The following TENM3 variants were observed in gnomAD, a reference collection of about 807,000 sequenced individuals.
TENM3 encodes teneurin transmembrane protein 3, also known as teneurin-3.
Under a neutral mutation model 255.1 loss-of-function variants are expected in TENM3, and 63 were observed. The observed-to-expected ratio is 0.25, with a 90% CI of 0.20 to 0.30. The LOEUF (loss-of-function observed/expected upper bound fraction) is 0.30. Among genes scored for constraint, TENM3 ranks in the 10% least tolerant of loss-of-function variants. TENM3 has a pLI of 1.00. For missense variants in TENM3, 2,929 were observed against 3,461.1 expected, an observed-to-expected ratio of 0.85 and a Z score of 3.86; for synonymous variants, 1,306 against 1,322.3, an observed-to-expected ratio of 0.99 and a Z score of 0.27.
the TENM3 span, among the ~76,000 whole-genome samples, chr4:181,796,040 T>C: frequency 6.6e-6 from 1 of 152,174 alleles, no homozygotes; most frequent in Non-Finnish European, 1.5e-5. Flanking sequence ...TGGCAATTGA[T>C]TGGATATGGG....
At chr4:182,690,073 A>G (rs1187065205) in intron 12 of TENM3, among the ~76,000 whole-genome samples, 1 of 152,134 alleles carries the variant, frequency 6.6e-6, no homozygotes, top group African/African-American at 2.4e-5. Flanking sequence ...GGACAAAATA[A>G]CCTTATCAGT....
chr4:182,713,788 G>T (rs1294638138), intron 12 of TENM3, among the ~76,000 whole-genome samples: 1 of 152,100 alleles, frequency 6.6e-6, no homozygotes, highest in Admixed American at 6.6e-5. Context: ...ATACCTTGTT[G>T]CTTGGCTAAA....
At chr4:181,642,627 C>T in the TENM3 span, among the ~76,000 whole-genome samples, 1 of 152,000 alleles carries the variant, frequency 6.6e-6, no homozygotes. Context: ...GTCTTTAATC[C>T]ATTTTGAGTT....
At chr4:182,113,293 T>C in the TENM3 span, among the ~76,000 whole-genome samples, 1 of 152,242 alleles carries the variant, frequency 6.6e-6, no homozygotes, top group Non-Finnish European at 1.5e-5. Context: ...ATCATCCATG[T>C]GCTTGCTTCT....
chr4:181,677,174 A>C, the TENM3 span, among the ~76,000 whole-genome samples: 1 of 151,896 alleles, frequency 6.6e-6, no homozygotes, highest in African/African-American at 2.4e-5. Context: ...TTTAACACCT[A>C]ATGCCCATGA....
At chr4:181,803,939 CAAAAA>C in the TENM3 span, among the ~76,000 whole-genome samples, 4 of 117,548 alleles carry the variant, frequency 3.4e-5, no homozygotes, top group East Asian at 2.3e-4. Flanking sequence ...ATTATCTCAA[CAAAAA>C]AAAAAAAAAG....
chr4:181,817,186 T>A, the TENM3 span, among the ~76,000 whole-genome samples: 1 of 152,210 alleles, frequency 6.6e-6, no homozygotes, highest in Non-Finnish European at 1.5e-5. Context: ...TACTTTAAAT[T>A]GAATATTGAG....
At chr4:182,506,100 A>C (rs1196783987) in intron 3 of TENM3, among the ~76,000 whole-genome samples, 3 of 152,214 alleles carry the variant, frequency 2.0e-5, no homozygotes, top group African/African-American at 7.2e-5. Flanking sequence ...AGAGCTCAGC[A>C]AGACGGAGTC....
At chr4:182,656,029 C>G (rs943428272) in intron 6 of TENM3, among the ~76,000 whole-genome samples, 1 of 152,154 alleles carries the variant, frequency 6.6e-6, no homozygotes, top group Non-Finnish European at 1.5e-5. Context: ...CTTTGGTAGC[C>G]TCCTTCTCTA....
intron 22 of TENM3, among the ~76,000 whole-genome samples, chr4:182,769,027 G>A (rs1405317311): frequency 6.6e-6 from 1 of 152,296 alleles, no homozygotes; most frequent in African/African-American, 2.4e-5. Flanking sequence ...AGCTAATAAA[G>A]GAAAACTACC....
chr4:182,700,638 A>G (rs1350932832), intron 12 of TENM3, among the ~76,000 whole-genome samples: 2 of 152,212 alleles, frequency 1.3e-5, no homozygotes, highest in African/African-American at 4.8e-5. Context: ...GGGATTTAAC[A>G]GGCATGTACC....
chr4:181,601,744 C>T, the TENM3 span, among the ~76,000 whole-genome samples: 1 of 152,112 alleles, frequency 6.6e-6, no homozygotes, highest in African/African-American at 2.4e-5. Context: ...AGCTCACCTT[C>T]CTGGGCTCAT....
intron 3 of TENM3, among the ~76,000 whole-genome samples, chr4:182,404,792 T>C (rs1409056610): frequency 6.6e-6 from 1 of 152,230 alleles, no homozygotes; most frequent in African/African-American, 2.4e-5. Flanking sequence ...GTTAGCTTAC[T>C]ATTGATTAGA....
chr4:182,035,151 AT>A, the TENM3 span, among the ~76,000 whole-genome samples: 1 of 152,206 alleles, frequency 6.6e-6, no homozygotes, highest in East Asian at 1.9e-4. Context: ...AAATCCCACC[AT>A]ACCTGAAGGT....
chr4:181,710,164 G>A, the TENM3 span, among the ~76,000 whole-genome samples: 1 of 152,102 alleles, frequency 6.6e-6, no homozygotes, highest in African/African-American at 2.4e-5. Flanking sequence ...ATAGAAATCA[G>A]AGAAGAGGCT....
At chr4:182,557,941 T>C (rs1742737971) in intron 3 of TENM3, among the ~76,000 whole-genome samples, 1 of 152,214 alleles carries the variant, frequency 6.6e-6, no homozygotes, top group South Asian at 2.1e-4. Context: ...TCAGTTGCAG[T>C]CCTAGTTTAC....
intron 22 of TENM3, among the ~76,000 whole-genome samples, chr4:182,761,235 A>G (rs1056104726): frequency 6.6e-6 from 1 of 152,108 alleles, no homozygotes; most frequent in African/African-American, 2.4e-5. Flanking sequence ...CCTGGCCAAC[A>G]TGGTGAAACC....
At chr4:182,321,640 A>C (rs1439443768) in intron 1 of TENM3, among the ~76,000 whole-genome samples, 5 of 147,784 alleles carry the variant, frequency 3.4e-5, no homozygotes, top group Non-Finnish European at 7.5e-5. Context: ...TAATAATAAT[A>C]ATAATAATAA....
chr4:182,250,906 G>A (rs1757969446), intron 1 of TENM3, among the ~76,000 whole-genome samples: 1 of 152,188 alleles, frequency 6.6e-6, no homozygotes, highest in Non-Finnish European at 1.5e-5. Flanking sequence ...CTTATTTAAT[G>A]GTGCGGCATT....
Sources: gnomAD v4.1 joint callset for allele counts (sites outside exome capture counted in the v4.1 genomes callset) on GRCh38, gnomAD v4.1.1 for gene constraint, MANE v1.5 for transcripts, NCBI Gene and HGNC (gene_info 2026-07-23, HGNC 2026-07-21) for gene names.